Variants in NPAS2 observed in about 807,000 individuals in gnomAD.
NPAS2 encodes the protein neuronal PAS domain protein 2, also known as neuronal PAS domain-containing protein 2.
A neutral mutation model predicts 107.5 loss-of-function variants in NPAS2; 23 were observed. The observed-to-expected ratio is 0.21, with a 90% CI of 0.15 to 0.30. The LOEUF is 0.30. Ranked by LOEUF, NPAS2 falls within the 10% of genes least tolerant of loss-of-function variation. NPAS2 has a pLI of 1.00. For missense variants in NPAS2, 756 were observed against 1,043.3 expected (o/e 0.72, Z 3.79); for synonymous variants, 403 against 417.5 (o/e 0.97, Z 0.42).
chr2:100,841,365 C>CG (rs1449592993), intron 1 of NPAS2, among the ~76,000 whole-genome samples: 3 of 152,060 alleles, frequency 2.0e-5, no homozygotes, highest in African/African-American at 7.2e-5. Flanking sequence ...TTGATGAACC[C>CG]GGGGGGTGGA....
At chr2:100,991,135 G>A (rs1015574622) in intron 19 of NPAS2, among the ~76,000 whole-genome samples, 9 of 152,138 alleles carry the variant, frequency 5.9e-5, no homozygotes, top group Non-Finnish European at 1.0e-4. Flanking sequence ...ATCATCTTCC[G>A]ACTTCCTTAC....
rs370589338 is a variant in NPAS2 at position 100,900,598 on chromosome 2, C to T, written c.-22-4135C>T. On this transcript the variant is annotated intron_variant, in intron 1 of 20. Coordinates refer to ENST00000335681, the MANE Select transcript of NPAS2 (RefSeq NM_002518.4). Reference sequence around the variant, plus strand: ...CCCAAGAGGAACGAGTGCTTATTTCCACAGAGACTTCTATATGACTCAACA... The same window carrying T: ...CCCAAGAGGAACGAGTGCTTATTTCTACAGAGACTTCTATATGACTCAACA... Among the ~76,000 whole-genome samples, 21 of 152,242 alleles carry T rather than the reference C, an allele frequency of 1.4e-4. No individual in the cohort carries two copies. In the East Asian group the frequency reaches 1.5e-3, roughly 11 times the overall value.
rs1229899598 is a variant in NPAS2 at position 100,993,399 on chromosome 2, A to T, written c.2164A>T (p.Ser722Cys). Residue 722 changes from serine (S) to cysteine (C), a missense_variant, in exon 20 of 21, where the codon AGC becomes TGC. Transcript: ENST00000335681. ...FQNPDAHPAN[S>C]SSAPMPVLLM... ...AAATCCAGACGCACACCCCGCCAACAGCAGCAGCGCCCCGATGCCCGTCCT... is the reference window on the plus strand; with the variant it reads ...AAATCCAGACGCACACCCCGCCAACTGCAGCAGCGCCCCGATGCCCGTCCT... 6.2e-7 allele frequency: 1 copy of T among 1,611,382 alleles called. No homozygotes were observed. The highest frequency in any genetic ancestry group is 1.3e-5 in the African/African-American group (1 of 74,992).
At chr2:100,876,680 G>T (rs1679990339) in intron 1 of NPAS2, among the ~76,000 whole-genome samples, 1 of 152,126 alleles carries the variant, frequency 6.6e-6, no homozygotes, top group South Asian at 2.1e-4. Flanking sequence ...CCTTCTGCTT[G>T]TTGCTGTTGG....
chr2:100,823,367 A>G (rs1279915503), intron 1 of NPAS2, among the ~76,000 whole-genome samples: 1 of 152,180 alleles, frequency 6.6e-6, no homozygotes, highest in African/African-American at 2.4e-5. Context: ...TTTCTTAGGT[A>G]AAGTTCCCCC....
At chr2:100,849,370 A>G (rs1396415376) in intron 1 of NPAS2, among the ~76,000 whole-genome samples, 1 of 152,200 alleles carries the variant, frequency 6.6e-6, no homozygotes. Context: ...CAGTGGCAGC[A>G]GGTCACAGTG....
chr2:100,875,056 GC>G (rs1679867066), intron 1 of NPAS2, among the ~76,000 whole-genome samples: 2 of 152,208 alleles, frequency 1.3e-5, no homozygotes, highest in African/African-American at 4.8e-5. Context: ...AAAAGCTTAA[GC>G]CCATGTGCTC....
intron 1 of NPAS2, among the ~76,000 whole-genome samples, chr2:100,854,090 C>T (rs1208249673): frequency 7.1e-6 from 1 of 141,090 alleles, no homozygotes; most frequent in Non-Finnish European, 1.5e-5. Context: ...GTCAAGGCTG[C>T]AGTGAGCAGA....
intron 1 of NPAS2, among the ~76,000 whole-genome samples, chr2:100,889,805 G>A (rs185143421): frequency 1.0e-3 from 155 of 152,294 alleles, no homozygotes; most frequent in Admixed American, 5.6e-3. Flanking sequence ...TCAGTTTGGT[G>A]ACCTAGCAGA....
At chr2:100,865,796 G>T (rs1289765027) in intron 1 of NPAS2, among the ~76,000 whole-genome samples, 1 of 152,118 alleles carries the variant, frequency 6.6e-6, no homozygotes, top group African/African-American at 2.4e-5. Flanking sequence ...TGGGAACAAG[G>T]AGACTCCTAT....
At position 100,974,870 on chromosome 2, in the gene NPAS2, A is replaced by G; in HGVS notation, c.1208A>G (p.Asn403Ser). 1 of 1,614,124 alleles carries G rather than the reference A, an allele frequency of 6.2e-7. No individual in the cohort carries two copies. The highest frequency in any genetic ancestry group is 8.5e-7 in the Non-Finnish European group (1 of 1,179,996). The change falls in exon 13 of 21, where the codon AAT becomes AGT. Residue 403 changes from asparagine (N) to serine (S), a missense_variant. By Grantham distance (46) the Asn-to-Ser change is conservative. Transcript: ENST00000335681. ...NTLDVGASGL[N>S]TSHSPSASSR... is the part of the protein sequence containing the mutation. ...CTCGACGTGGGTGCCTCGGGCCTTAATACCAGTCATTCGCCATCGGCGTCC... is the reference window on the plus strand; with the variant it reads ...CTCGACGTGGGTGCCTCGGGCCTTAGTACCAGTCATTCGCCATCGGCGTCC...
intron 1 of NPAS2, among the ~76,000 whole-genome samples, chr2:100,830,613 T>C (rs1243719569): frequency 6.6e-6 from 1 of 152,116 alleles, no homozygotes; most frequent in Non-Finnish European, 1.5e-5. Context: ...AGAATGATGG[T>C]TTCTAGCTTC....
intron 8 of NPAS2, 39 bp downstream of exon 8, chr2:100,964,215 A>G (rs1207322498): frequency 1.6e-6 from 2 of 1,269,852 alleles, no homozygotes; most frequent in Non-Finnish European, 2.3e-6. Context: ...CGGAGCTGTT[A>G]TGATTGACTC....
intron 12 of NPAS2, among the ~76,000 whole-genome samples, chr2:100,973,880 T>C (rs569075042): frequency 6.6e-6 from 1 of 152,318 alleles, no homozygotes; most frequent in African/African-American, 2.4e-5. Flanking sequence ...CTCACTATGT[T>C]GCCCAGGCTG....
At position 100,988,131 on chromosome 2, in the gene NPAS2, C is replaced by T; in HGVS notation, c.1682C>T (p.Pro561Leu). 1 of 1,614,224 alleles carries T rather than the reference C, an allele frequency of 6.2e-7. No individual in the cohort carries two copies. The highest frequency in any genetic ancestry group is 8.5e-7 in the Non-Finnish European group (1 of 1,180,032). ...VSLSFSSTQRPEAQQQLQQRS... is the reference protein window; with the variant it reads ...VSLSFSSTQRLEAQQQLQQRS... ...CTGAGCTTCAGCAGCACCCAGCGAC[C>T]TGAGGCTCAGCAGCAGCTACAGCAA... Residue 561 changes from proline to leucine, a missense_variant, in exon 17 of 21, where the codon CCT (proline) becomes CTT (leucine). Pro to Leu is a moderately conservative substitution (Grantham distance 98, BLOSUM62 -3). This residue lies in a region of NPAS2 where 496 missense variants were observed against 594.4 expected (regional missense o/e 0.83). Coordinates refer to ENST00000335681, the MANE Select transcript of NPAS2 (RefSeq NM_002518.4).
intron 1 of NPAS2, among the ~76,000 whole-genome samples, chr2:100,825,051 A>G (rs985052685): frequency 1.3e-5 from 2 of 152,150 alleles, no homozygotes; most frequent in Non-Finnish European, 2.9e-5. Context: ...CTAGGACTCA[A>G]TTTGTGGACT....
intron 1 of NPAS2, among the ~76,000 whole-genome samples, chr2:100,877,326 G>A (rs1237639439): frequency 3.3e-5 from 5 of 151,862 alleles, no homozygotes; most frequent in African/African-American, 7.3e-5. Context: ...TTAGCCAGGC[G>A]TGGTGGCAGG....
intron 7 of NPAS2, among the ~76,000 whole-genome samples, chr2:100,954,006 C>T (rs1342738215): frequency 6.6e-6 from 1 of 152,210 alleles, no homozygotes; most frequent in Non-Finnish European, 1.5e-5. Flanking sequence ...ACATGGCCCA[C>T]CATGCAGGGC....
At chr2:100,901,210 TAAAAC>T (rs747556075) in intron 1 of NPAS2, among the ~76,000 whole-genome samples, 13 of 152,024 alleles carry the variant, frequency 8.6e-5, no homozygotes, top group Non-Finnish European at 1.6e-4. Flanking sequence ...TGGGGAACGA[TAAAAC>T]AAATAAATAA....
Sources: gnomAD v4.1 joint callset for allele counts (sites outside exome capture counted in the v4.1 genomes callset) on GRCh38, gnomAD v4.1.1 for gene constraint, gnomAD v4.1.1 regional missense constraint, MANE v1.5 for transcripts, NCBI Gene and HGNC (gene_info 2026-07-23, HGNC 2026-07-21) for gene names.